The following RNF24 variants were observed in gnomAD, a reference collection of about 807,000 sequenced individuals.
The protein encoded by RNF24 is ring finger protein 24.
A neutral mutation model predicts 20.0 loss-of-function variants in RNF24; 14 were observed. The observed-to-expected ratio is 0.70, with a 90% CI of 0.46 to 1.10. RNF24 has a LOEUF of 1.10. Ranked by LOEUF, RNF24 falls within the 50% of genes least tolerant of loss-of-function variation. RNF24 has a pLI of 0.00. For synonymous variants in RNF24, 45 were observed against 61.1 expected, an observed-to-expected ratio of 0.74 and a Z score of 1.23; for missense variants, 124 against 177.6, an observed-to-expected ratio of 0.70 and a Z score of 1.71.
rs1345903985 is a variant in RNF24, at chr20:3,933,911, G to A, written c.*152C>T. 4.6e-6 allele frequency: 3 copies of A among 655,270 alleles called. No homozygotes were observed. Among genetic ancestry groups the A allele is most frequent in the Non-Finnish European group, 6.9e-6 (3 of 432,486 alleles). The allele number at this position is 655,270 out of a possible 1,614,324, so 40.6% of individuals were successfully genotyped here. A position where few individuals can be genotyped will look rare whatever the true frequency, so the allele number is the denominator to read the frequency against. On this transcript the variant is annotated 3_prime_UTR_variant, in exon 6 of 6. Coordinates refer to ENST00000358395, the MANE Select transcript of RNF24 (RefSeq NM_001134337.3). ...GTTGTCACAAGACCCAGACACCTAGGTTCCCAGTTTGGCTGGCCCAAGAGT... is the reference window on the plus strand; with the variant it reads ...GTTGTCACAAGACCCAGACACCTAGATTCCCAGTTTGGCTGGCCCAAGAGT...
intron 2 of RNF24, among the ~76,000 whole-genome samples, chr20:3,954,172 G>T (rs1460561917): frequency 6.6e-6 from 1 of 152,120 alleles, no homozygotes; most frequent in Non-Finnish European, 1.5e-5. Context: ...CCATCTACCA[G>T]CTATCTCTAG....
intron 1 of RNF24, among the ~76,000 whole-genome samples, chr20:3,984,927 T>C (rs995208027): frequency 2.6e-5 from 4 of 152,174 alleles, no homozygotes; most frequent in African/African-American, 9.7e-5. Flanking sequence ...CCGAAACCTC[T>C]CAGTCTGTAG....
intron 2 of RNF24, among the ~76,000 whole-genome samples, chr20:3,951,065 C>G (rs1027353592): frequency 6.6e-6 from 1 of 152,226 alleles, no homozygotes; most frequent in African/African-American, 2.4e-5. Flanking sequence ...ACACCATTCT[C>G]CTGCCTCAGC....
chr20:3,994,313 G>A lies in RNF24; in HGVS notation c.-8+21124C>T, dbSNP rs147818309. ...AGGAATTGGCTGTGACAATCTGAATGTATCAGTTGTATTTGTGACACCTGT... is the reference window on the plus strand; with the variant it reads ...AGGAATTGGCTGTGACAATCTGAATATATCAGTTGTATTTGTGACACCTGT... On this transcript the variant is annotated intron_variant, in intron 1 of 5. Coordinates refer to ENST00000358395, the MANE Select transcript of RNF24 (RefSeq NM_001134337.3). Among the ~76,000 whole-genome samples the A allele has an allele frequency of 6.7e-3, 1,014 of 152,280 alleles. 13 individuals carry two copies. The highest frequency in any genetic ancestry group is 0.023 in the African/African-American group (971 of 41,550).
chr20:4,008,518 TTA>T (rs1169740031), intron 1 of RNF24, among the ~76,000 whole-genome samples: 1,374 of 118,398 alleles, frequency 0.012, 30 homozygotes, highest in African/African-American at 0.042. Flanking sequence ...ATATTATATA[TTA>T]TATATATATT....
rs568724841 is a variant in RNF24 at position 3,935,805 on chromosome 20, T to A, written c.229-732A>T. On this transcript the variant is annotated intron_variant, in intron 4 of 5. Transcript: ENST00000358395. The stretch of plus-strand genomic sequence containing the variant: ...TCACCACACTGACCCATTTTACCGA[T>A]GAGGAAACAGAAGCTCAGGAAAATA... Among the ~76,000 whole-genome samples, 41 of 152,308 alleles carry A rather than the reference T, an allele frequency of 2.7e-4. No individual in the cohort carries two copies. In the South Asian group the frequency reaches 8.5e-3, roughly 32 times the overall value.
chr20:3,977,658 G>A (rs533402266), intron 1 of RNF24, among the ~76,000 whole-genome samples: 1 of 152,080 alleles, frequency 6.6e-6, no homozygotes, highest in East Asian at 1.9e-4. Context: ...GAGGTCAGGA[G>A]ATCGAGACCA....
chr20:3,966,090 G>A (rs2146993578), intron 1 of RNF24, among the ~76,000 whole-genome samples: 1 of 126,876 alleles, frequency 7.9e-6, no homozygotes, highest in South Asian at 2.6e-4. Flanking sequence ...AGCCAAGATT[G>A]CTCCACTGCA....
In RNF24 at chr20:3,935,992, C is replaced by T. The variant is rs117902933; in HGVS notation, c.229-919G>A. Among the ~76,000 whole-genome samples the T allele has an allele frequency of 6.4e-3, 971 of 152,306 alleles. 30 individuals carry two copies. In the South Asian group the frequency reaches 0.085, roughly 13 times the overall value. On this transcript the variant is annotated intron_variant, in intron 4 of 5. Coordinates refer to ENST00000358395, the MANE Select transcript of RNF24 (RefSeq NM_001134337.3). Reference sequence around the variant, plus strand: ...CATTCCCAAGGATCCTGGTTCAGGCCATCACCATTTCTAGCCTGGACTGTT... The same window carrying T: ...CATTCCCAAGGATCCTGGTTCAGGCTATCACCATTTCTAGCCTGGACTGTT...
chr20:3,994,779 G>A (rs996169621), intron 1 of RNF24, among the ~76,000 whole-genome samples: 13 of 152,104 alleles, frequency 8.5e-5, no homozygotes, highest in Non-Finnish European at 1.8e-4. Flanking sequence ...GGACTTTAAT[G>A]GTGAATTCTT....
rs2090874375 is a variant in RNF24 at position 3,935,087 on chromosome 20, G to A, written c.229-14C>T. 8 of 1,612,500 alleles carry A rather than the reference G, an allele frequency of 5.0e-6. No individual in the cohort carries two copies. The highest frequency in any genetic ancestry group is 1.3e-5 in the African/African-American group (1 of 74,818). On this transcript the variant is annotated splice_polypyrimidine_tract_variant and intron_variant, in intron 4 of 5. Transcript: ENST00000358395. ...CACTGCACAGAGCTGAAAGACAAATGCACAAATGAAGCCAAGTGTCTGTTA... is the reference window on the plus strand; with the variant it reads ...CACTGCACAGAGCTGAAAGACAAATACACAAATGAAGCCAAGTGTCTGTTA...
chr20:3,984,479 T>C (rs1979710722), intron 1 of RNF24, among the ~76,000 whole-genome samples: 1 of 152,178 alleles, frequency 6.6e-6, no homozygotes, highest in Non-Finnish European at 1.5e-5. Context: ...TCCTGAATGA[T>C]ACCACTGCCT....
intron 1 of RNF24, among the ~76,000 whole-genome samples, chr20:3,995,574 G>T (rs913010739): frequency 2.6e-5 from 4 of 152,142 alleles, no homozygotes; most frequent in African/African-American, 7.2e-5. Context: ...TTCTTCAAAT[G>T]GTTATGAATC....
At chr20:3,983,964 A>AAC (rs368450166) in intron 1 of RNF24, among the ~76,000 whole-genome samples, 1 of 130,330 alleles carries the variant, frequency 7.7e-6, no homozygotes, top group East Asian at 2.2e-4. Context: ...AAAAAAAAAA[A>AAC]ACAAGTGAAA....
rs2090799119 is a variant in RNF24, at chr20:3,930,037, CACACAT to C, written c.*4020_*4025del. 3.9e-5 allele frequency: 6 copies of C among 152,160 alleles called. No individual in the cohort carries two copies. The highest frequency in any genetic ancestry group is 3.3e-4 in the Admixed American group (5 of 15,276). 9.4% of individuals were successfully genotyped at this position (152,160 alleles called of 1,614,324 possible). ...TAGAAAAGGAGAAAAATTATATAGACACACATACACATGTGTGTACATGCATAAATG... is the reference window on the plus strand; with the variant it reads ...TAGAAAAGGAGAAAAATTATATAGACACACATGTGTGTACATGCATAAATG... On this transcript the variant is annotated 3_prime_UTR_variant, in exon 6 of 6. Transcript: ENST00000358395.
At chr20:3,985,151 C>T (rs1979774822) in intron 1 of RNF24, among the ~76,000 whole-genome samples, 1 of 152,204 alleles carries the variant, frequency 6.6e-6, no homozygotes, top group Non-Finnish European at 1.5e-5. Flanking sequence ...CTTAATTTTA[C>T]TGACTACCTC....
intron 2 of RNF24, among the ~76,000 whole-genome samples, chr20:3,954,061 T>A (rs923281491): frequency 6.6e-6 from 1 of 152,046 alleles, no homozygotes; most frequent in Non-Finnish European, 1.5e-5. Context: ...CGGCCCCGGT[T>A]TTTTCTTTTT....
chr20:3,966,351 TAATGGGATATTCA>T (rs1207560580), intron 1 of RNF24, among the ~76,000 whole-genome samples: 1 of 151,972 alleles, frequency 6.6e-6, no homozygotes, highest in African/African-American at 2.4e-5. Flanking sequence ...TCAAATGGGA[TAATGGGATATTCA>T]AATGGGATAA....
In RNF24 at chr20:3,930,737, T is replaced by A. The variant is rs1263658447; in HGVS notation, c.*3326A>T. The A allele has an allele frequency of 6.6e-6, 1 of 152,216 alleles. No homozygotes were observed. The highest frequency in any genetic ancestry group is 1.5e-5 in the Non-Finnish European group (1 of 68,104). The allele number at this position is 152,216 out of a possible 1,614,324, so 9.4% of individuals were successfully genotyped here. A position where few individuals can be genotyped will look rare whatever the true frequency, so the allele number is the denominator to read the frequency against. ...GCGGGATCAGGCCAGGGAGATGACA[T>A]GATTTTGAAGTGGGGTTGTGAAAAA... On this transcript the variant is annotated 3_prime_UTR_variant, in exon 6 of 6. Coordinates refer to ENST00000358395, the MANE Select transcript of RNF24 (RefSeq NM_001134337.3).
Sources: allele counts gnomAD v4.1 joint callset (sites outside exome capture counted in the v4.1 genomes callset), GRCh38; gene constraint gnomAD v4.1.1; transcripts MANE v1.5; gene names NCBI Gene and HGNC (gene_info 2026-07-23, HGNC 2026-07-21).